ZFAND4: variants seen among roughly 807,000 people sequenced by gnomAD.
The protein encoded by ZFAND4 is AN1-type zinc finger protein 4.
A neutral mutation model predicts 64.4 loss-of-function variants in ZFAND4; 43 were observed. That is an observed-to-expected ratio of 0.67 (90% CI 0.52 to 0.86). The LOEUF (loss-of-function observed/expected upper bound fraction) is 0.86, where lower values mean the gene tolerates loss of function less well. ZFAND4 is among the 40% of genes least tolerant of loss of function. The pLI, the probability that ZFAND4 is intolerant of heterozygous loss-of-function variation, is 0.00. For missense variants in ZFAND4, 929 were observed against 859.8 expected (o/e 1.08, Z -1.01); for synonymous variants, 296 against 305.7 (o/e 0.97, Z 0.33).
chr10:45,621,755 A>T (rs1356710990), intron 8 of ZFAND4, among the ~76,000 whole-genome samples: 1 of 152,162 alleles, frequency 6.6e-6, no homozygotes, highest in African/African-American at 2.4e-5. Context: ...AAAAACAAAC[A>T]AACAAACAAA....
intron 4 of ZFAND4, among the ~76,000 whole-genome samples, chr10:45,649,476 A>G (rs1405114996): frequency 2.6e-5 from 4 of 152,250 alleles, no homozygotes; most frequent in Admixed American, 6.5e-5. Context: ...TCACTTATTT[A>G]TTAACAGAAT....
intron 5 of ZFAND4, among the ~76,000 whole-genome samples, chr10:45,643,940 A>C (rs997087595): frequency 3.9e-5 from 6 of 152,206 alleles, no homozygotes; most frequent in Non-Finnish European, 8.8e-5. Flanking sequence ...GGTATTTCAT[A>C]ACAAATGAAA....
intron 8 of ZFAND4, 123 bp downstream of exon 8, chr10:45,624,460 G>A: frequency 1.3e-6 from 1 of 755,052 alleles, no homozygotes; most frequent in Non-Finnish European, 2.1e-6. Flanking sequence ...AGCATTTAGA[G>A]ACAGAATTTA....
At chr10:45,640,744 C>T (rs2046939984) in intron 5 of ZFAND4, among the ~76,000 whole-genome samples, 1 of 152,176 alleles carries the variant, frequency 6.6e-6, no homozygotes, top group Non-Finnish European at 1.5e-5. Flanking sequence ...CCTACCTCGG[C>T]CTCCCAAAGT....
intron 6 of ZFAND4, among the ~76,000 whole-genome samples, chr10:45,639,354 A>T (rs1307465422): frequency 6.6e-6 from 1 of 152,178 alleles, no homozygotes; most frequent in African/African-American, 2.4e-5. Flanking sequence ...CCACAAACAA[A>T]GTAGGATTAC....
intron 6 of ZFAND4, among the ~76,000 whole-genome samples, chr10:45,636,481 C>CA (rs1308576965): frequency 6.6e-6 from 1 of 151,862 alleles, no homozygotes; most frequent in East Asian, 1.9e-4. Flanking sequence ...ACTAAAAATA[C>CA]AAAAAATTAG....
rs140314932 is a variant in ZFAND4, at chr10:45,645,681, G to A, written c.569+2613C>T. 4.3e-3 allele frequency among the ~76,000 whole-genome samples: 652 copies of A among 152,214 alleles called. 4 individuals are homozygous for A. Among genetic ancestry groups the A allele is most frequent in the African/African-American group, 0.014 (576 of 41,520 alleles). ...GTGTTTGAATTACACGTAACAGCAA[G>A]CTGCAATCATTCCCATGCTTTCAAA... On this transcript the variant is annotated intron_variant, in intron 5 of 9. Transcript: ENST00000344646.
intron 8 of ZFAND4, among the ~76,000 whole-genome samples, chr10:45,622,330 C>CT (rs1178601759): frequency 1.3e-5 from 2 of 152,162 alleles, no homozygotes. Context: ...ACTTTACACT[C>CT]TATTTTAACT....
chr10:45,621,521 T>A (rs1279991711), intron 8 of ZFAND4, among the ~76,000 whole-genome samples: 1 of 151,018 alleles, frequency 6.6e-6, no homozygotes, highest in Non-Finnish European at 1.5e-5. Context: ...GGTGGGCGGA[T>A]CCCGACGTCA....
intron 1 of ZFAND4, among the ~76,000 whole-genome samples, chr10:45,671,236 T>A (rs926771777): frequency 1.3e-5 from 2 of 152,258 alleles, no homozygotes; most frequent in African/African-American, 4.8e-5. Flanking sequence ...TTGGTGGGAC[T>A]GTAAATTAGT....
intron 5 of ZFAND4, 43 bp downstream of exon 5, chr10:45,648,251 G>A (rs2047525850): frequency 2.0e-6 from 3 of 1,526,944 alleles, no homozygotes; most frequent in Non-Finnish European, 2.6e-6. Flanking sequence ...AATATATATA[G>A]ATTATTTTGA....
chr10:45,667,539 G>A (rs1045894617), intron 1 of ZFAND4, among the ~76,000 whole-genome samples: 2 of 138,280 alleles, frequency 1.4e-5, no homozygotes, highest in African/African-American at 5.5e-5. Flanking sequence ...CACGATCTCC[G>A]CTTATTGTAA....
intron 1 of ZFAND4, among the ~76,000 whole-genome samples, chr10:45,669,270 G>A (rs2049026321): frequency 1.3e-5 from 2 of 152,184 alleles, no homozygotes; most frequent in East Asian, 3.9e-4. Flanking sequence ...CAAATAAACT[G>A]GAAAATCTAG....
In ZFAND4 at chr10:45,618,279, C is replaced by A. The variant is rs1350840071; in HGVS notation, c.1928-19G>T. ...CATTCTCCTGTTTAGAGAAAGGACA[C>A]CTTGATTAACACAGGCATAAAATCC... On this transcript the variant is annotated intron_variant, in intron 8 of 9. Coordinates refer to ENST00000344646, the MANE Select transcript of ZFAND4 (RefSeq NM_174890.4). The A allele has an allele frequency of 1.2e-6, 2 of 1,607,844 alleles. No homozygotes were observed. Among genetic ancestry groups the A allele is most frequent in the African/African-American group, 1.3e-5 (1 of 74,714 alleles).
intron 2 of ZFAND4, among the ~76,000 whole-genome samples, chr10:45,654,244 T>C (rs972244015): frequency 3.9e-5 from 6 of 152,116 alleles, no homozygotes; most frequent in African/African-American, 1.2e-4. Flanking sequence ...GGATAATTCA[T>C]ACACCAAACT....
intron 6 of ZFAND4, among the ~76,000 whole-genome samples, chr10:45,638,893 C>T (rs1406041058): frequency 6.6e-6 from 1 of 152,022 alleles, no homozygotes; most frequent in East Asian, 1.9e-4. Context: ...ATAGGAAAAA[C>T]GTATTTACGG....
At chr10:45,640,420 C>CCCA in intron 5 of ZFAND4, 1 of 832,742 alleles carries the variant, frequency 1.2e-6, no homozygotes, top group Non-Finnish European at 1.6e-6. Flanking sequence ...AGGAGATTCT[C>CCCA]ACTAAAAAAA....
At chr10:45,630,144 T>C (rs2046104571) in intron 6 of ZFAND4, among the ~76,000 whole-genome samples, 2 of 152,078 alleles carry the variant, frequency 1.3e-5, no homozygotes, top group Admixed American at 6.5e-5. Flanking sequence ...AATCAGAACA[T>C]TTTAGCTAAT....
chr10:45,649,828 A>G (rs1025651625), intron 4 of ZFAND4: 1 of 152,244 alleles, frequency 6.6e-6, no homozygotes, highest in Non-Finnish European at 1.5e-5. Context: ...CCAACAAAAC[A>G]CAACAAAAAA....
Sources: allele counts gnomAD v4.1 joint callset (sites outside exome capture counted in the v4.1 genomes callset), GRCh38; gene constraint gnomAD v4.1.1; transcripts MANE v1.5; gene names NCBI Gene and HGNC (gene_info 2026-07-23, HGNC 2026-07-21).